SNRPF: variants seen among roughly 807,000 people sequenced by gnomAD.
SNRPF encodes small nuclear ribonucleoprotein F.
SNRPF carries 1 observed loss-of-function variant against 13.4 expected under a neutral mutation model. That is an observed-to-expected ratio of 0.07 (90% CI 0.03 to 0.35). The LOEUF is 0.35. Ranked by LOEUF, SNRPF falls within the 10% of genes least tolerant of loss-of-function variation. The pLI is 0.99. For synonymous variants in SNRPF, 27 were observed against 32.1 expected, an observed-to-expected ratio of 0.84 and a Z score of 0.54; for missense variants, 53 against 101.0, an observed-to-expected ratio of 0.52 and a Z score of 2.04.
At chr12:95,865,883 AT>A (rs1565937659) in intron 3 of SNRPF, 121 bp from the exon 4 acceptor site, 3 of 409,052 alleles carry the variant, frequency 7.3e-6, no homozygotes, top group Non-Finnish European at 8.8e-6. Flanking sequence ...TATTTAAAAA[AT>A]TTTTTTAAAG....
chr12:95,862,550 A>G (rs2079501046), intron 2 of SNRPF, among the ~76,000 whole-genome samples: 1 of 151,980 alleles, frequency 6.6e-6, no homozygotes, highest in Non-Finnish European at 1.5e-5. Context: ...GCATCTCTAC[A>G]AAAAAAATAC....
At chr12:95,861,873 A>T (rs1200536882) in intron 2 of SNRPF, 2 of 152,366 alleles carry the variant, frequency 1.3e-5, no homozygotes, top group Non-Finnish European at 2.9e-5. Flanking sequence ...TGTATAATTC[A>T]GTGGCATTAA....
At chr12:95,865,107 T>G (rs1484358303) in intron 2 of SNRPF, 1 of 347,364 alleles carries the variant, frequency 2.9e-6, no homozygotes. Context: ...AAACTTATGT[T>G]GAAACAAGCT....
chr12:95,861,389 T>C, intron 2 of SNRPF, 96 bp downstream of exon 2: 1 of 1,187,584 alleles, frequency 8.4e-7, no homozygotes, highest in Non-Finnish European at 1.2e-6. Context: ...TACATACAAT[T>C]AAATTGACAA....
intron 1 of SNRPF, among the ~76,000 whole-genome samples, chr12:95,860,372 G>C (rs191250284): frequency 2.0e-5 from 3 of 152,226 alleles, no homozygotes; most frequent in African/African-American, 7.2e-5. Flanking sequence ...TCCCGCTCTG[G>C]AAATAAACTC....
rs1480291508 is a variant in SNRPF, at chr12:95,865,405, G to A, written c.194+17G>A. ...TTTAATAAGGTAACAAACAGCAGTA[G>A]TATATGTAAGGAGTTACTGGTGAGC... On this transcript the variant is annotated intron_variant, in intron 3 of 3. Coordinates refer to ENST00000266735, the MANE Select transcript of SNRPF (RefSeq NM_003095.5). 1.6e-6 allele frequency: 2 copies of A among 1,274,314 alleles called. No individual in the cohort carries two copies. Among genetic ancestry groups the A allele is most frequent in the South Asian group, 1.2e-5 (1 of 82,518 alleles). The allele number at this position is 1,274,314 out of a possible 1,614,324, so 78.9% of individuals were successfully genotyped here. A position where few individuals can be genotyped will look rare whatever the true frequency, so the allele number is the denominator to read the frequency against.
At chr12:95,860,852 C>CATTTT (rs760765775) in intron 1 of SNRPF, among the ~76,000 whole-genome samples, 2 of 96,564 alleles carry the variant, frequency 2.1e-5, no homozygotes, top group Non-Finnish European at 3.9e-5. Context: ...ACCTGGCCCG[C>CATTTT]TTTTTTTTTT....
chr12:95,865,807 A>T (rs540409715), intron 3 of SNRPF, among the ~76,000 whole-genome samples, 198 bp from the exon 4 acceptor site: 3 of 152,148 alleles, frequency 2.0e-5, no homozygotes, highest in Non-Finnish European at 2.9e-5. Context: ...TAACAACCAT[A>T]TGGTGGAAAA....
intron 1 of SNRPF, among the ~76,000 whole-genome samples, chr12:95,860,296 C>T (rs2079489173): frequency 6.6e-6 from 1 of 152,160 alleles, no homozygotes; most frequent in African/African-American, 2.4e-5. Context: ...TCCCCAAAAC[C>T]ACCTTGTTGC....
chr12:95,864,490 T>TACC (rs2079512016), intron 2 of SNRPF, among the ~76,000 whole-genome samples: 1 of 152,266 alleles, frequency 6.6e-6, no homozygotes, highest in Non-Finnish European at 1.5e-5. Flanking sequence ...TTCATAATAA[T>TACC]ACCATAAGGG....
chr12:95,859,000 C>A lies in SNRPF; in HGVS notation c.-74C>A. On this transcript the variant is annotated 5_prime_UTR_variant, in exon 1 of 4. Transcript: ENST00000266735. ...AAACTGCGGCTCGGGACCTGCGGTA[C>A]CTGCTGTAGTCACGAGGGACGGGCG... The A allele has an allele frequency of 8.1e-6, 13 of 1,599,674 alleles. 1 individual carries two copies. In the South Asian group the frequency reaches 1.2e-4, roughly 15 times the overall value.
chr12:95,860,020 TTAG>T (rs1246730040), intron 1 of SNRPF, among the ~76,000 whole-genome samples: 2 of 152,098 alleles, frequency 1.3e-5, no homozygotes, highest in Admixed American at 1.3e-4. Flanking sequence ...TTAGAGGGGG[TTAG>T]TAGCCAAGTT....
chr12:95,861,639 A>C, intron 2 of SNRPF: 2 of 229,306 alleles, frequency 8.7e-6, no homozygotes, highest in South Asian at 1.0e-4. Context: ...GAAATTATTG[A>C]GTCTTTTAAT....
At chr12:95,860,198 C>T (rs2079488452) in intron 1 of SNRPF, among the ~76,000 whole-genome samples, 3 of 152,202 alleles carry the variant, frequency 2.0e-5, no homozygotes, top group Admixed American at 2.0e-4. Context: ...CTAGCTTCCC[C>T]AGTTAAATAC....
At chr12:95,863,664 A>ATAAT (rs2079507474) in intron 2 of SNRPF, among the ~76,000 whole-genome samples, 1 of 152,270 alleles carries the variant, frequency 6.6e-6, no homozygotes, top group East Asian at 1.9e-4. Flanking sequence ...ATGTGATAAT[A>ATAAT]GGCATGATAG....
chr12:95,861,109 A>C, intron 1 of SNRPF, 59 bp from the exon 2 acceptor site: 7 of 1,516,490 alleles, frequency 4.6e-6, no homozygotes, highest in Non-Finnish European at 5.4e-6. Context: ...ATTCGGTAGA[A>C]GAGAGTTGGT....
rs2079508016 is a variant in SNRPF at position 95,863,763 on chromosome 12, G to T, written c.130-1561G>T. Reference sequence around the variant, plus strand: ...AGGAGGCGAATTCTGGAAGATACCAGAATTAGTGTACAACTCAGTTGAGTA... The same window carrying T: ...AGGAGGCGAATTCTGGAAGATACCATAATTAGTGTACAACTCAGTTGAGTA... On this transcript the variant is annotated intron_variant, in intron 2 of 3. Transcript: ENST00000266735. 2.0e-5 allele frequency among the ~76,000 whole-genome samples: 3 copies of T among 152,292 alleles called. No individual in the cohort carries two copies. The South Asian group carries it at 6.2e-4, about 32-fold the overall frequency.
chr12:95,866,130 TTTC>T lies in SNRPF; in HGVS notation c.*60_*62del. 1.2e-6 allele frequency: 1 copy of T among 858,840 alleles called. No individual in the cohort carries two copies. The highest frequency in any genetic ancestry group is 1.8e-5 in the African/African-American group (1 of 56,174). The allele number at this position is 858,840 out of a possible 1,614,324, so 53.2% of individuals were successfully genotyped here. ...TCTAGACAATAAAGATTTGTTTGTT[TTTC>T]AACTTGACTTGTGAACTATTTGTAT... On this transcript the variant is annotated 3_prime_UTR_variant, in exon 4 of 4. Transcript: ENST00000266735.
chr12:95,862,694 CAG>C (rs1407908855), intron 2 of SNRPF, among the ~76,000 whole-genome samples: 2 of 152,038 alleles, frequency 1.3e-5, no homozygotes, highest in East Asian at 1.9e-4. Context: ...GCCTGGATGA[CAG>C]AGAAATTTTT....
Sources: gnomAD v4.1 joint callset for allele counts (sites outside exome capture counted in the v4.1 genomes callset) on GRCh38, gnomAD v4.1.1 for gene constraint, MANE v1.5 for transcripts, NCBI Gene and HGNC (gene_info 2026-07-23, HGNC 2026-07-21) for gene names.